ESRRG: variants seen among roughly 807,000 people sequenced by gnomAD.
ESRRG encodes estrogen related receptor gamma.
A neutral mutation model predicts 44.0 loss-of-function variants in ESRRG; 13 were observed. The observed-to-expected ratio is 0.30, with a 90% CI of 0.19 to 0.47. The LOEUF (loss-of-function observed/expected upper bound fraction) is 0.47, where lower values mean the gene tolerates loss of function less well. Among genes scored for constraint, ESRRG ranks in the 20% least tolerant of loss-of-function variants. ESRRG has a pLI of 1.00. For missense variants in ESRRG, 395 were observed against 580.6 expected, an observed-to-expected ratio of 0.68 and a Z score of 3.29; for synonymous variants, 215 against 214.6, an observed-to-expected ratio of 1.00 and a Z score of -0.02.
At chr1:216,777,615 A>G (rs890745432) in intron 2 of ESRRG, among the ~76,000 whole-genome samples, 4 of 152,098 alleles carry the variant, frequency 2.6e-5, no homozygotes, top group African/African-American at 9.7e-5. Flanking sequence ...TTACATTCCT[A>G]TTGGATACTC....
At chr1:217,114,422 C>G (rs891870738) in intron 1 of ESRRG, among the ~76,000 whole-genome samples, 1 of 151,982 alleles carries the variant, frequency 6.6e-6, no homozygotes, top group African/African-American at 2.4e-5. Context: ...TTAGTTTTCC[C>G]AGATCAAGGT....
chr1:216,583,299 T>C (rs572738213), intron 3 of ESRRG, among the ~76,000 whole-genome samples: 1 of 152,214 alleles, frequency 6.6e-6, no homozygotes, highest in Non-Finnish European at 1.5e-5. Context: ...GAAAGTCATA[T>C]GTGTACACCT....
chr1:216,620,269 G>A (rs2150454910), intron 3 of ESRRG, among the ~76,000 whole-genome samples: 1 of 152,184 alleles, frequency 6.6e-6, no homozygotes, highest in South Asian at 2.1e-4. Flanking sequence ...TCATAGCATT[G>A]TTTTGAGGAT....
At chr1:217,131,158 C>T (rs750674239) in intron 1 of ESRRG, among the ~76,000 whole-genome samples, 6 of 152,088 alleles carry the variant, frequency 3.9e-5, no homozygotes, top group Non-Finnish European at 7.4e-5. Context: ...TTCAGTTGTC[C>T]ATTAATTGCA....
chr1:216,519,324 A>C lies in ESRRG; in HGVS notation c.960T>G (p.Phe320Leu). ...ILGVVYRSLS[F>L]EDELVYADDY... ...CGTCTGCATAGACAAGTTCATCCTC[A>C]AACGAAAGAGACCGGTATACGACAC... is the stretch of plus-strand genomic sequence containing the variant. The change falls in exon 6 of 7, where the codon TTT becomes TTG. Residue 320 changes from phenylalanine to leucine, a missense_variant. By Grantham distance (22) the Phe-to-Leu change is conservative. Transcript: ENST00000408911. 6.2e-7 allele frequency: 1 copy of C among 1,613,870 alleles called. No homozygotes were observed. Among genetic ancestry groups the C allele is most frequent in the Non-Finnish European group, 8.5e-7 (1 of 1,179,850 alleles).
At chr1:216,536,448 T>G (rs2050995928) in intron 5 of ESRRG, among the ~76,000 whole-genome samples, 1 of 152,126 alleles carries the variant, frequency 6.6e-6, no homozygotes, top group Admixed American at 6.6e-5. Flanking sequence ...ATATCTCATT[T>G]CCAAAACTAA....
At chr1:216,902,216 C>T (rs969338029) in intron 2 of ESRRG, among the ~76,000 whole-genome samples, 6 of 152,142 alleles carry the variant, frequency 3.9e-5, no homozygotes, top group Admixed American at 6.5e-5. Context: ...CGGCTGGGTG[C>T]GGTGGCTCAC....
At chr1:216,833,746 C>A (rs1411275431) in intron 2 of ESRRG, among the ~76,000 whole-genome samples, 1 of 152,146 alleles carries the variant, frequency 6.6e-6, no homozygotes, top group African/African-American at 2.4e-5. Context: ...TATCACTGTT[C>A]ATCTGAAAAG....
chr1:216,912,902 A>T (rs920065484), intron 2 of ESRRG, among the ~76,000 whole-genome samples: 10 of 152,010 alleles, frequency 6.6e-5, no homozygotes, highest in Non-Finnish European at 1.5e-4. Flanking sequence ...TGGGTGGATC[A>T]CTTGAGGCCA....
At chr1:216,905,245 T>C (rs2059558891) in intron 2 of ESRRG, among the ~76,000 whole-genome samples, 1 of 151,952 alleles carries the variant, frequency 6.6e-6, no homozygotes, top group South Asian at 2.1e-4. Flanking sequence ...GGTCTCAGCT[T>C]ACCTGCCAGC....
Position 217,026,912 on chromosome 1 carries a change from C to CAGAGAGAG in ESRRG, c.-106+62587_-106+62594dup, listed in dbSNP as rs71163786. ...ATACACACACACACACACACACACA[C>CAGAGAGAG]AGAGAGAGAGAGAGAGAGAGAGAGA... is the stretch of plus-strand genomic sequence containing the variant. On this transcript the variant is annotated intron_variant, in intron 1 of 7. Coordinates refer to the ESRRG transcript ENST00000359162. Among the ~76,000 whole-genome samples the CAGAGAGAG allele has an allele frequency of 8.6e-3, 805 of 93,462 alleles. 10 individuals carry two copies. The highest frequency in any genetic ancestry group is 0.024 in the African/African-American group (604 of 24,868). The allele number at this position is 93,462 out of a possible 152,430, so 61.3% of individuals were successfully genotyped here. A position where few individuals can be genotyped will look rare whatever the true frequency, so the allele number is the denominator to read the frequency against.
chr1:217,090,239 AT>A (rs2092314318), upstream of ESRRG, among the ~76,000 whole-genome samples: 1 of 152,028 alleles, frequency 6.6e-6, no homozygotes, highest in Non-Finnish European at 1.5e-5. Flanking sequence ...TCAGGGTGAC[AT>A]TCAGTGCCAA....
rs397709457 is a variant in ESRRG, at chr1:217,035,319, C to CAAAAAAAAAAAAAAAAAAAAAA, written c.-106+54166_-106+54187dup. ...TGGGCAGCCTAGCGAGACTCTGTCT[C>CAAAAAAAAAAAAAAAAAAAAAA]AAAAAAAAAAAAAAAAAAAAAAGTG... On this transcript the variant is annotated intron_variant, in intron 1 of 7. Transcript: ENST00000359162. Among the ~76,000 whole-genome samples, 2 of 75,178 alleles carry CAAAAAAAAAAAAAAAAAAAAAA rather than the reference C, an allele frequency of 2.7e-5. 1 individual carries two copies. The highest frequency in any genetic ancestry group is 4.9e-5 in the Non-Finnish European group (2 of 40,978). The allele number at this position is 75,178 out of a possible 152,430, so 49.3% of individuals were successfully genotyped here. A position where few individuals can be genotyped will look rare whatever the true frequency, so the allele number is the denominator to read the frequency against.
At chr1:216,806,772 T>C (rs2094806231) in intron 2 of ESRRG, among the ~76,000 whole-genome samples, 1 of 152,204 alleles carries the variant, frequency 6.6e-6, no homozygotes, top group South Asian at 2.1e-4. Context: ...CATGTTTTTG[T>C]GCATCTTGCC....
chr1:216,894,869 A>G (rs1236386242), intron 2 of ESRRG, among the ~76,000 whole-genome samples: 1 of 152,144 alleles, frequency 6.6e-6, no homozygotes, highest in Non-Finnish European at 1.5e-5. Context: ...GTTTATTTTT[A>G]GTCTGTTCTA....
intron 3 of ESRRG, among the ~76,000 whole-genome samples, chr1:216,616,173 C>A (rs2061407869): frequency 6.6e-6 from 1 of 152,088 alleles, no homozygotes; most frequent in Non-Finnish European, 1.5e-5. Context: ...TCCACTGGAT[C>A]CTGGCTGTCA....
At chr1:216,836,605 A>G (rs1305297312) in intron 2 of ESRRG, among the ~76,000 whole-genome samples, 1 of 152,142 alleles carries the variant, frequency 6.6e-6, no homozygotes, top group Non-Finnish European at 1.5e-5. Flanking sequence ...CTCTGTGTGT[A>G]CAAGGAGCTT....
At chr1:216,616,197 A>G (rs1181478844) in intron 3 of ESRRG, among the ~76,000 whole-genome samples, 2 of 152,160 alleles carry the variant, frequency 1.3e-5, no homozygotes, top group East Asian at 3.9e-4. Context: ...CTGTGTGCCC[A>G]CAGAGACTTG....
chr1:216,651,185 C>A, intron 2 of ESRRG, 96 bp from the exon 3 acceptor site: 1 of 770,258 alleles, frequency 1.3e-6, no homozygotes, highest in Non-Finnish European at 2.3e-6. Context: ...TCTTACTCTC[C>A]CACCCCAAAA....
Sources: gnomAD v4.1 joint callset for allele counts (sites outside exome capture counted in the v4.1 genomes callset) on GRCh38, gnomAD v4.1.1 for gene constraint, MANE v1.5 for transcripts, NCBI Gene and HGNC (gene_info 2026-07-23, HGNC 2026-07-21) for gene names.